PDE5A: variants seen among roughly 807,000 people sequenced by gnomAD.
PDE5A encodes the protein phosphodiesterase 5A, also known as cGMP-specific 3',5'-cyclic phosphodiesterase.
Under a neutral mutation model 110.2 loss-of-function variants are expected in PDE5A, and 67 were observed. The ratio of observed to expected loss-of-function variants is 0.61; its 90% confidence interval spans 0.50 to 0.75. The LOEUF is 0.75. PDE5A is among the 30% of genes least tolerant of loss of function. PDE5A has a pLI of 0.00. For missense variants in PDE5A, 862 were observed against 1,045.1 expected, an observed-to-expected ratio of 0.82 and a Z score of 2.42; for synonymous variants, 328 against 351.2, an observed-to-expected ratio of 0.93 and a Z score of 0.74.
At chr4:119,532,091 AT>A (rs1726561425) in intron 11 of PDE5A, among the ~76,000 whole-genome samples, 1 of 152,148 alleles carries the variant, frequency 6.6e-6, no homozygotes, top group Non-Finnish European at 1.5e-5. Context: ...ATCTTATTAA[AT>A]GTATTGAAGG....
intron 3 of PDE5A, among the ~76,000 whole-genome samples, chr4:119,595,823 A>G (rs939955663): frequency 6.6e-6 from 1 of 152,212 alleles, no homozygotes; most frequent in African/African-American, 2.4e-5. Flanking sequence ...ATCCTCATAT[A>G]TCCTATTGAT....
At chr4:119,522,033 C>G (rs1032538134) in intron 12 of PDE5A, among the ~76,000 whole-genome samples, 2 of 152,030 alleles carry the variant, frequency 1.3e-5, no homozygotes, top group Non-Finnish European at 2.9e-5. Context: ...GTTGCTTTGA[C>G]AATATTCAAC....
At chr4:119,508,982 T>C (rs1255607098) in intron 15 of PDE5A, among the ~76,000 whole-genome samples, 1 of 152,000 alleles carries the variant, frequency 6.6e-6, no homozygotes, top group Non-Finnish European at 1.5e-5. Context: ...AAAATATGCT[T>C]TTAAAAAAGC....
chr4:119,527,055 A>G (rs2110474738), intron 11 of PDE5A: 1 of 152,292 alleles, frequency 6.6e-6, no homozygotes, highest in South Asian at 2.1e-4. Flanking sequence ...TTTTAACTCA[A>G]AGCAGATAAC....
chr4:119,611,148 G>A (rs570771085), intron 1 of PDE5A, among the ~76,000 whole-genome samples: 1 of 152,240 alleles, frequency 6.6e-6, no homozygotes, highest in Non-Finnish European at 1.5e-5. Context: ...GCTCAAACAA[G>A]TCATCTCTGA....
At chr4:119,539,212 A>G in intron 10 of PDE5A, 193 bp from the exon 11 acceptor site, 2 of 560,198 alleles carry the variant, frequency 3.6e-6, no homozygotes, top group South Asian at 2.5e-5. Context: ...TTGGAAAACA[A>G]AAAGTTATAC....
chr4:119,519,378 AAATT>A, intron 13 of PDE5A: 1 of 438,336 alleles, frequency 2.3e-6, no homozygotes. Flanking sequence ...ATGCCTCAAT[AAATT>A]AATAATCTGT....
At chr4:119,539,344 TG>T (rs920549353) in intron 10 of PDE5A, among the ~76,000 whole-genome samples, 12 of 151,530 alleles carry the variant, frequency 7.9e-5, no homozygotes, top group South Asian at 2.1e-4. Flanking sequence ...AAATTTATTT[TG>T]TTTTTTTTTT....
In PDE5A at chr4:119,579,873, C is replaced by T. The variant is rs113960690; in HGVS notation, c.832-12729G>A. ...AAAAAGATCTGTGAGTTTCACTGTACGTGAATTTTAAAACATTTTAAAAGC... is the reference window on the plus strand; with the variant it reads ...AAAAAGATCTGTGAGTTTCACTGTATGTGAATTTTAAAACATTTTAAAAGC... On this transcript the variant is annotated intron_variant, in intron 3 of 20. Transcript: ENST00000354960. Among the ~76,000 whole-genome samples, 1,369 of 151,922 alleles carry T rather than the reference C, an allele frequency of 9.0e-3. 12 individuals are homozygous for T. The highest frequency in any genetic ancestry group is 0.029 in the African/African-American group (1,192 of 41,426).
At chr4:119,548,840 C>G (rs9997631) in intron 9 of PDE5A, 44,485 of 151,846 alleles carry the variant, frequency 0.29, 6,513 homozygotes, top group East Asian at 0.38. Flanking sequence ...CTCATTATAA[C>G]TAAGCATAAT....
chr4:119,552,683 T>C (rs1036905342), intron 8 of PDE5A, 46 bp from the exon 9 acceptor site: 4 of 1,071,944 alleles, frequency 3.7e-6, no homozygotes, highest in East Asian at 5.5e-5. Flanking sequence ...GGTAAAGAGA[T>C]TGATTTGTCC....
intron 4 of PDE5A, among the ~76,000 whole-genome samples, chr4:119,566,667 G>A (rs1307186786): frequency 6.6e-6 from 1 of 152,280 alleles, no homozygotes; most frequent in African/African-American, 2.4e-5. Flanking sequence ...AATTTGCTAC[G>A]CCAGGAGGCA....
At chr4:119,578,609 T>C (rs1363829968) in intron 3 of PDE5A, among the ~76,000 whole-genome samples, 4 of 152,186 alleles carry the variant, frequency 2.6e-5, no homozygotes, top group Non-Finnish European at 5.9e-5. Flanking sequence ...ATTTAATAAA[T>C]GGTGCTGGGA....
intron 4 of PDE5A, 37 bp from the exon 5 acceptor site, chr4:119,565,447 T>A (rs773003993): frequency 1.5e-5 from 20 of 1,375,238 alleles, no homozygotes; most frequent in South Asian, 8.2e-5. Context: ...AAACGGTACA[T>A]AAAACAGTCT....
intron 12 of PDE5A, among the ~76,000 whole-genome samples, chr4:119,522,230 T>C (rs751660186): frequency 5.3e-5 from 8 of 151,996 alleles, no homozygotes; most frequent in Admixed American, 2.0e-4. Flanking sequence ...TCTCCTAACC[T>C]TTTTACCCAC....
At chr4:119,572,782 C>G (rs2248236) in intron 3 of PDE5A, among the ~76,000 whole-genome samples, 115,292 of 151,988 alleles carry the variant, frequency 0.76, 44,068 homozygotes, top group East Asian at 0.89. Context: ...CTGGTCCAGG[C>G]ACAAAAGACG....
intron 3 of PDE5A, among the ~76,000 whole-genome samples, chr4:119,573,075 A>G (rs892225433): frequency 5.3e-5 from 8 of 152,236 alleles, no homozygotes; most frequent in African/African-American, 9.6e-5. Context: ...TTGTTTTTTA[A>G]GATCAATTCA....
At chr4:119,595,119 C>T (rs956011350) in intron 3 of PDE5A, among the ~76,000 whole-genome samples, 4 of 151,176 alleles carry the variant, frequency 2.6e-5, no homozygotes, top group East Asian at 3.9e-4. Context: ...GCAGGTAGCA[C>T]GAATAAAAAG....
intron 2 of PDE5A, among the ~76,000 whole-genome samples, chr4:119,597,410 G>A (rs770639715): frequency 3.3e-5 from 5 of 151,366 alleles, no homozygotes; most frequent in Admixed American, 6.6e-5. Flanking sequence ...ATAATACCAC[G>A]GTTATCAAAT....
Sources: gnomAD v4.1 joint callset for allele counts (sites outside exome capture counted in the v4.1 genomes callset) on GRCh38, gnomAD v4.1.1 for gene constraint, MANE v1.5 for transcripts, NCBI Gene and HGNC (gene_info 2026-07-23, HGNC 2026-07-21) for gene names.